CPA6: variants seen among roughly 807,000 people sequenced by gnomAD.
CPA6 encodes the protein carboxypeptidase A6.
A neutral mutation model predicts 63.3 loss-of-function variants in CPA6; 58 were observed. The ratio of observed to expected loss-of-function variants is 0.92; its 90% CI spans 0.74 to 1.14. The LOEUF (loss-of-function observed/expected upper bound fraction) is 1.14, where lower values mean the gene tolerates loss of function less well. Among genes scored for constraint, CPA6 ranks in the 50% most tolerant of loss-of-function variants. CPA6 has a pLI of 0.00. For missense variants in CPA6, 565 were observed against 526.6 expected (o/e 1.07, Z -0.71); for synonymous variants, 185 against 179.0 (o/e 1.03, Z -0.27).
At chr8:67,439,930 G>A (rs1253917821) in intron 8 of CPA6, among the ~76,000 whole-genome samples, 1 of 152,090 alleles carries the variant, frequency 6.6e-6, no homozygotes, top group East Asian at 1.9e-4. Flanking sequence ...CTGGCCTGAT[G>A]TTTTCATATA....
Position 67,662,950 on chromosome 8 carries a change from AAAG to A in CPA6, c.117-38702_117-38700del, listed in dbSNP as rs1394548722. On this transcript the variant is annotated intron_variant, in intron 1 of 10. Transcript: ENST00000297770. ...AGCAGGAGAAGACAGATGAGAGGAAAAAGAAGAAGTGCACCAAAGTCAAAGTCT... is the reference window on the plus strand; with the variant it reads ...AGCAGGAGAAGACAGATGAGAGGAAAAAGAAGTGCACCAAAGTCAAAGTCT... Among the ~76,000 whole-genome samples, 4 of 152,150 alleles carry A rather than the reference AAAG, an allele frequency of 2.6e-5. No individual in the cohort carries two copies. The East Asian group carries it at 5.8e-4, about 22-fold the overall frequency.
intron 1 of CPA6, among the ~76,000 whole-genome samples, chr8:67,653,361 T>A (rs1272103930): frequency 6.6e-6 from 1 of 152,180 alleles, no homozygotes; most frequent in East Asian, 1.9e-4. Context: ...ATATTGATTC[T>A]TCCTACCCAC....
chr8:67,548,364 G>A (rs547842395), intron 2 of CPA6, among the ~76,000 whole-genome samples: 2 of 150,772 alleles, frequency 1.3e-5, no homozygotes, highest in African/African-American at 4.9e-5. Flanking sequence ...CACCTCTCCT[G>A]CCTCAGCCTC....
chr8:67,553,347 C>T (rs994421978), intron 2 of CPA6, among the ~76,000 whole-genome samples: 1 of 152,094 alleles, frequency 6.6e-6, no homozygotes, highest in African/African-American at 2.4e-5. Flanking sequence ...ACAATGCATC[C>T]CATCAATTCA....
At chr8:67,423,412 T>C (rs1809812421) in intron 10 of CPA6, among the ~76,000 whole-genome samples, 1 of 152,208 alleles carries the variant, frequency 6.6e-6, no homozygotes, top group East Asian at 1.9e-4. Context: ...TTCTTCCACC[T>C]CCCTGTGTTT....
intron 1 of CPA6, among the ~76,000 whole-genome samples, chr8:67,698,563 T>C (rs542127906): frequency 6.6e-6 from 1 of 152,356 alleles, no homozygotes; most frequent in Non-Finnish European, 1.5e-5. Flanking sequence ...AATTATCTTC[T>C]AGTTTTCTGT....
chr8:67,713,915 G>A (rs1045154639), intron 1 of CPA6, among the ~76,000 whole-genome samples: 2 of 152,028 alleles, frequency 1.3e-5, no homozygotes, highest in African/African-American at 2.4e-5. Flanking sequence ...CTTAGCACAG[G>A]GACTAAGCTG....
At chr8:67,599,907 A>G (rs1174675612) in intron 2 of CPA6, among the ~76,000 whole-genome samples, 1 of 152,158 alleles carries the variant, frequency 6.6e-6, no homozygotes, top group Non-Finnish European at 1.5e-5. Flanking sequence ...CGAGTATAAA[A>G]TATTTCTTAA....
intron 2 of CPA6, among the ~76,000 whole-genome samples, chr8:67,521,439 A>G (rs1256725762): frequency 6.6e-6 from 1 of 152,238 alleles, no homozygotes; most frequent in Non-Finnish European, 1.5e-5. Flanking sequence ...AATCTTAAAA[A>G]CATACCCAGC....
intron 10 of CPA6, among the ~76,000 whole-genome samples, chr8:67,426,027 G>A (rs1809875260): frequency 6.6e-6 from 1 of 151,848 alleles, no homozygotes; most frequent in African/African-American, 2.4e-5. Flanking sequence ...CTCCTGATTA[G>A]CTGTGATTAC....
At chr8:67,474,029 G>A (rs1811120702) in intron 8 of CPA6, among the ~76,000 whole-genome samples, 1 of 152,144 alleles carries the variant, frequency 6.6e-6, no homozygotes, top group Non-Finnish European at 1.5e-5. Flanking sequence ...CAGCCAAGAA[G>A]GTGAGCTGCT....
chr8:67,585,527 C>T (rs62513793), intron 2 of CPA6, among the ~76,000 whole-genome samples: 29 of 152,078 alleles, frequency 1.9e-4, no homozygotes, highest in African/African-American at 3.9e-4. Context: ...CATACATTCT[C>T]GGTAGATAAG....
At position 67,681,200 on chromosome 8, in the gene CPA6, C is replaced by CTTT. The variant is rs1007305743; in HGVS notation, c.117-56952_117-56950dup. On this transcript the variant is annotated intron_variant, in intron 1 of 10. Transcript: ENST00000297770. ...CTCAACCCAAGGTCACAAAGATTTT[C>CTTT]TTTTTTTTTTTTTTTTTTTTGAGAC... Among the ~76,000 whole-genome samples, 36 of 89,874 alleles carry CTTT rather than the reference C, an allele frequency of 4.0e-4. 1 individual carries two copies. The highest frequency in any genetic ancestry group is 1.3e-3 in the African/African-American group (21 of 16,232). The allele number at this position is 89,874 out of a possible 152,430, so 59.0% of individuals were successfully genotyped here.
chr8:67,560,231 G>T (rs935264304), intron 2 of CPA6, among the ~76,000 whole-genome samples: 2 of 150,592 alleles, frequency 1.3e-5, no homozygotes, highest in Non-Finnish European at 3.0e-5. Context: ...GCAAGGAAAT[G>T]GAGGAATACT....
Position 67,570,613 on chromosome 8 carries a change from T to A in CPA6, c.193-52566A>T, listed in dbSNP as rs925118233. ...GAGTTGTACGCAATAAAAGTTAAGC[T>A]GTTACCAGCTTGAAATAGACTGTTA... On this transcript the variant is annotated intron_variant, in intron 2 of 10. Coordinates refer to ENST00000297770, the MANE Select transcript of CPA6 (RefSeq NM_020361.5). 7.2e-5 allele frequency among the ~76,000 whole-genome samples: 11 copies of A among 152,202 alleles called. No homozygotes were observed. The East Asian group carries it at 2.1e-3, about 29-fold the overall frequency.
rs886138429 is a variant in CPA6 at position 67,733,219 on chromosome 8, A to T, written c.116+12795T>A. Among the ~76,000 whole-genome samples, 44 of 110,086 alleles carry T rather than the reference A, an allele frequency of 4.0e-4. 1 individual carries two copies. In the South Asian group the frequency reaches 7.2e-3, roughly 18 times the overall value. 72.2% of individuals were successfully genotyped at this position (110,086 alleles called of 152,430 possible). ...CTCAAAAAAAAAAAAAAAAAAAAAA[A>T]AAAAATAAAAAAATTTAGCGTCTAT... On this transcript the variant is annotated intron_variant, in intron 1 of 10. Transcript: ENST00000297770.
At chr8:67,496,662 G>T (rs1446007707) in intron 6 of CPA6, among the ~76,000 whole-genome samples, 2 of 150,874 alleles carry the variant, frequency 1.3e-5, no homozygotes, top group African/African-American at 4.9e-5. Context: ...CCCGGTTCAA[G>T]CGATTCTCCT....
chr8:67,522,861 C>A (rs948763440), intron 2 of CPA6, among the ~76,000 whole-genome samples: 2 of 152,232 alleles, frequency 1.3e-5, no homozygotes, highest in African/African-American at 4.8e-5. Context: ...AAGCTGAGCA[C>A]AACCTACTGG....
chr8:67,560,784 T>G (rs1813190811), intron 2 of CPA6, among the ~76,000 whole-genome samples: 1 of 152,130 alleles, frequency 6.6e-6, no homozygotes, highest in Non-Finnish European at 1.5e-5. Context: ...CCCATTTCCT[T>G]TCGTAGTCCT....
Sources: gnomAD v4.1 joint callset for allele counts (sites outside exome capture counted in the v4.1 genomes callset) on GRCh38, gnomAD v4.1.1 for gene constraint, MANE v1.5 for transcripts, NCBI Gene and HGNC (gene_info 2026-07-23, HGNC 2026-07-21) for gene names.